The following RSRP1 variants were observed in gnomAD, a reference collection of about 807,000 sequenced individuals.
The protein encoded by RSRP1 is arginine/serine-rich protein 1.
A neutral mutation model predicts 33.0 loss-of-function variants in RSRP1; 37 were observed. The ratio of observed to expected loss-of-function variants is 1.12; its 90% CI spans 0.86 to 1.48. RSRP1 has a LOEUF of 1.48. RSRP1 is among the 40% of genes most tolerant of loss of function. RSRP1 has a pLI of 0.00. For missense variants in RSRP1, 402 were observed against 385.3 expected (o/e 1.04, Z -0.36); for synonymous variants, 167 against 158.7 (o/e 1.05, Z -0.40).
intron 1 of RSRP1, among the ~76,000 whole-genome samples, chr1:25,260,634 TAAAC>T (rs1640103107): frequency 6.6e-6 from 1 of 152,198 alleles, no homozygotes; most frequent in Non-Finnish European, 1.5e-5. Flanking sequence ...CACTCAGACT[TAAAC>T]AACAGAAATT....
chr1:25,262,152 T>C (rs1316944316), intron 1 of RSRP1, among the ~76,000 whole-genome samples: 1 of 152,222 alleles, frequency 6.6e-6, no homozygotes, highest in Non-Finnish European at 1.5e-5. Context: ...TAGTCCCTGT[T>C]ATTAAGTAAT....
rs1483042234 is a variant in RSRP1, at chr1:25,281,567, C to A, written c.-66-34538G>T. On this transcript the variant is annotated intron_variant, in intron 1 of 1. Coordinates refer to the RSRP1 transcript ENST00000561867. ...TCACTGCTCCCGCATGTGCACTGCA[C>A]CTTCATATACATATTTCCTGCTTGG... 1.5e-5 allele frequency among the ~76,000 whole-genome samples: 2 copies of A among 131,956 alleles called. 1 individual carries two copies. Among genetic ancestry groups the A allele is most frequent in the Non-Finnish European group, 3.6e-5 (2 of 55,798 alleles). 86.6% of individuals were successfully genotyped at this position (131,956 alleles called of 152,430 possible). A position where few individuals can be genotyped will look rare whatever the true frequency, so the allele number is the denominator to read the frequency against.
At chr1:25,249,111 T>G (rs1366417367), upstream of RSRP1, among the ~76,000 whole-genome samples, 1 of 152,132 alleles carries the variant, frequency 6.6e-6, no homozygotes, top group African/African-American at 2.4e-5. Context: ...ATTGCAACAC[T>G]GCAACCCAAC....
Position 25,306,812 on chromosome 1 carries a change from C to T in RSRP1, c.-67+31166G>A, listed in dbSNP as rs764313871. ...ATGTGTGCAGAGTCCTTAGCTGGGG[C>T]GTGTGCACTCGGGGCCAGGTGCTCA... On this transcript the variant is annotated intron_variant, in intron 1 of 1. Transcript: ENST00000561867. 30 of 1,206,282 alleles carry T rather than the reference C, an allele frequency of 2.5e-5. 5 individuals carry two copies. Among genetic ancestry groups the T allele is most frequent in the Admixed American group, 1.6e-4 (9 of 55,566 alleles). The allele number at this position is 1,206,282 out of a possible 1,614,324, so 74.7% of individuals were successfully genotyped here. A position where few individuals can be genotyped will look rare whatever the true frequency, so the allele number is the denominator to read the frequency against.
At chr1:25,298,646 A>G (rs1185821690) in intron 1 of RSRP1, among the ~76,000 whole-genome samples, 1 of 131,828 alleles carries the variant, frequency 7.6e-6, no homozygotes, top group African/African-American at 2.6e-5. Context: ...TTTCCTCTTT[A>G]TGTATGACTG....
At position 25,246,547 on chromosome 1, in the gene RSRP1, G is replaced by A. The variant is rs760940549; in HGVS notation, c.417C>T (p.Tyr139=). ...RAYAIARGQR[Y]YGFGRTVYPE... is the part of the protein sequence containing the mutation. ...GGTACACTGTGCGACCAAAGCCGTA[G>A]TAGCGCTGTCCCCGCGCGATCGCGT... Residue 139 remains tyrosine (Y), a synonymous_variant, in exon 2 of 5, where the codon TAC becomes TAT. Coordinates refer to ENST00000243189, the MANE Select transcript of RSRP1 (RefSeq NM_020317.5). The A allele has an allele frequency of 6.2e-7, 1 of 1,614,258 alleles. No individual in the cohort carries two copies. Among genetic ancestry groups the A allele is most frequent in the Admixed American group, 1.7e-5 (1 of 60,034 alleles).
At chr1:25,319,500 T>C (rs1012708946) in intron 1 of RSRP1, among the ~76,000 whole-genome samples, 1 of 131,854 alleles carries the variant, frequency 7.6e-6, no homozygotes, top group African/African-American at 2.6e-5. Flanking sequence ...TCCCAGCTGC[T>C]CTGGAGGCTG....
chr1:25,261,747 T>G (rs1640163313), intron 1 of RSRP1, among the ~76,000 whole-genome samples: 1 of 139,284 alleles, frequency 7.2e-6, no homozygotes, highest in South Asian at 2.3e-4. Flanking sequence ...AGTCTTGCTG[T>G]GTTGCCCAGC....
intron 3 of RSRP1, chr1:25,244,196 GCCT>G: frequency 2.3e-6 from 3 of 1,289,022 alleles, no homozygotes; most frequent in Middle Eastern, 2.1e-4. Context: ...AGTGAAGCAG[GCCT>G]CCTCTTCTGT....
At chr1:25,272,503 TGA>T in intron 1 of RSRP1, 1 of 1,548,498 alleles carries the variant, frequency 6.5e-7, no homozygotes, top group Non-Finnish European at 8.8e-7. Flanking sequence ...GAGAGAGGGG[TGA>T]TGCCTGGTGC....
intron 4 of RSRP1, 54 bp downstream of exon 4, chr1:25,243,496 C>G (rs184177333): frequency 6.3e-7 from 1 of 1,592,258 alleles, no homozygotes; most frequent in Non-Finnish European, 8.6e-7. Flanking sequence ...CACAAAGATG[C>G]AAAAATACAT....
At chr1:25,292,575 T>C (rs650400) in intron 1 of RSRP1, among the ~76,000 whole-genome samples, 4,297 of 128,032 alleles carry the variant, frequency 0.034, 443 homozygotes, top group African/African-American at 0.11. Flanking sequence ...AGATGGGGAA[T>C]GTTGGGGTGG....
At chr1:25,244,966 A>C in intron 3 of RSRP1, 184 bp downstream of exon 3, 1 of 1,465,780 alleles carries the variant, frequency 6.8e-7, no homozygotes, top group East Asian at 2.5e-5. Flanking sequence ...CGGCCAAATA[A>C]AGCTCATTAA....
chr1:25,246,814 C>T lies in RSRP1; in HGVS notation c.150G>A (p.Ser50=), dbSNP rs754196733. The T allele has an allele frequency of 6.2e-6, 10 of 1,613,460 alleles. No homozygotes were observed. The East Asian group carries it at 2.0e-4, about 32-fold the overall frequency. ...SRSSRSHSRV[S]SRFSSRSRRS... The stretch of plus-strand genomic sequence containing the variant: ...TCCGACTCCTGGACGAAAACCGGCT[C>T]GAGACGCGGGAATGGGACCGAGAGC... Residue 50 remains serine (S), a synonymous_variant, in exon 2 of 5, where the codon TCG becomes TCA. Transcript: ENST00000243189.
rs530518210 is a variant in RSRP1, at chr1:25,247,390, C to G, written c.-148G>C. ...TTTCGGAACGTAAGACGAAGTGGGG[C>G]TTTTAGTCCCTGCTTTCGAACGGCG... On this transcript the variant is annotated 5_prime_UTR_variant, in exon 1 of 5. Coordinates refer to ENST00000243189, the MANE Select transcript of RSRP1 (RefSeq NM_020317.5). 5.7e-6 allele frequency: 1 copy of G among 175,224 alleles called. No individual in the cohort carries two copies. Among genetic ancestry groups the G allele is most frequent in the African/African-American group, 2.4e-5 (1 of 42,462 alleles). The allele number at this position is 175,224 out of a possible 1,614,324, so 10.9% of individuals were successfully genotyped here.
intron 1 of RSRP1, among the ~76,000 whole-genome samples, chr1:25,266,313 T>G (rs1242332136): frequency 7.7e-6 from 1 of 129,924 alleles, no homozygotes; most frequent in Admixed American, 7.5e-5. Context: ...AGAAAGGAGT[T>G]AGTATCTTTT....
chr1:25,333,232 C>T (rs1645040094), intron 1 of RSRP1, among the ~76,000 whole-genome samples: 2 of 131,812 alleles, frequency 1.5e-5, no homozygotes, highest in South Asian at 4.6e-4. Flanking sequence ...CTGGAAATAC[C>T]CTCACAGACA....
At position 25,313,627 on chromosome 1, in the gene RSRP1, C is replaced by T. The variant is rs867420771; in HGVS notation, c.-67+24351G>A. ...TCCCCTGTAAACAAGAGGCAGAACA[C>T]GTCATGCAGGGCCACACAAAACTGT... On this transcript the variant is annotated intron_variant, in intron 1 of 1. Coordinates refer to the RSRP1 transcript ENST00000561867. Among the ~76,000 whole-genome samples, 7 of 131,898 alleles carry T rather than the reference C, an allele frequency of 5.3e-5. 1 individual carries two copies. The highest frequency in any genetic ancestry group is 1.8e-4 in the African/African-American group (7 of 38,656). 86.5% of individuals were successfully genotyped at this position (131,898 alleles called of 152,430 possible).
upstream of RSRP1, among the ~76,000 whole-genome samples, chr1:25,249,253 G>T (rs1024246168): frequency 6.6e-6 from 1 of 152,132 alleles, no homozygotes; most frequent in Admixed American, 6.5e-5. Flanking sequence ...TGAGCTCTTG[G>T]TTATGAATAG....
Sources: allele counts gnomAD v4.1 joint callset (sites outside exome capture counted in the v4.1 genomes callset), GRCh38; gene constraint gnomAD v4.1.1; transcripts MANE v1.5; gene names NCBI Gene and HGNC (gene_info 2026-07-23, HGNC 2026-07-21).